Variants in C1QTNF5 observed in about 807,000 individuals in gnomAD.
C1QTNF5 encodes complement C1q tumor necrosis factor-related protein 5.
A neutral mutation model predicts 10.9 loss-of-function variants in C1QTNF5; 5 were observed. That is an observed-to-expected ratio of 0.46 (90% CI 0.24 to 0.97). C1QTNF5 has a LOEUF of 0.97. Among genes scored for constraint, C1QTNF5 ranks in the 50% least tolerant of loss-of-function variants. The pLI is 0.19. For missense variants in C1QTNF5, 281 were observed against 339.4 expected (o/e 0.83, Z 1.35); for synonymous variants, 161 against 156.5 (o/e 1.03, Z -0.22).
upstream of C1QTNF5, chr11:119,344,215 G>C: frequency 2.5e-6 from 3 of 1,185,890 alleles, no homozygotes; most frequent in Non-Finnish European, 3.8e-6. Context: ...ACCTTCCCAA[G>C]TAGAAGGTAG....
chr11:119,343,925 T>C (rs1950529810), upstream of C1QTNF5: 4 of 1,613,800 alleles, frequency 2.5e-6, no homozygotes, highest in Non-Finnish European at 3.4e-6. Context: ...TGTAGTTCTA[T>C]GCTGTGTCCG....
chr11:119,340,504 C>T, intron 1 of C1QTNF5, 64 bp from the exon 2 acceptor site: 1 of 1,261,326 alleles, frequency 7.9e-7, no homozygotes, highest in Non-Finnish European at 1.1e-6. Flanking sequence ...CTCCCCACCC[C>T]GGCGCGGCCC....
chr11:119,339,530 A>C lies in C1QTNF5; in HGVS notation c.533T>G (p.Phe178Cys). The C allele has an allele frequency of 6.2e-7, 1 of 1,613,394 alleles. No individual in the cohort carries two copies. The highest frequency in any genetic ancestry group is 8.5e-7 in the Non-Finnish European group (1 of 1,180,000). ...GGGCCACCCCCCGAAAAACTGGAAG[A>C]AAGAGGCAATGGATTCGCCATTCTT... Reference protein sequence around the residue: ...LVKNGESIASFFQFFGGWPKP... With the variant: ...LVKNGESIASCFQFFGGWPKP... The change falls in exon 3 of 3, where the codon TTC becomes TGC. Residue 178 changes from phenylalanine to cysteine, a missense_variant. Transcript: ENST00000528368. This position sits in a 1 kb window ranked among gnomAD's most constrained non-coding sequence, Gnocchi z 5.4.
chr11:119,341,722 C>T, upstream of C1QTNF5: 1 of 1,613,274 alleles, frequency 6.2e-7, no homozygotes, highest in South Asian at 1.1e-5. Context: ...GCACAAGCAG[C>T]CCACACAGGA....
At chr11:119,345,409 G>A (rs748347387), upstream of C1QTNF5, 11 of 1,613,348 alleles carry the variant, frequency 6.8e-6, no homozygotes, top group Admixed American at 5.0e-5. Flanking sequence ...CCTGGGGACA[G>A]AGGGACCTAC....
At chr11:119,341,761 G>T, upstream of C1QTNF5, 3 of 1,613,312 alleles carry the variant, frequency 1.9e-6, no homozygotes, top group Non-Finnish European at 2.5e-6. Context: ...AGCAGGGCAG[G>T]CTTGTCAGGC....
upstream of C1QTNF5, chr11:119,343,764 G>T: frequency 1.2e-6 from 2 of 1,609,488 alleles, no homozygotes; most frequent in Non-Finnish European, 1.7e-6. Context: ...GAAGCCGGGG[G>T]TGGCAGACAG....
At chr11:119,343,163 C>T, upstream of C1QTNF5, among the ~76,000 whole-genome samples, 1 of 152,174 alleles carries the variant, frequency 6.6e-6, no homozygotes, top group Admixed American at 6.5e-5. Context: ...ATATATTCAA[C>T]AGGGAAAGCA....
At position 119,339,856 on chromosome 11, in the gene C1QTNF5, G is replaced by T. The variant is rs747148839; in HGVS notation, c.215-8C>A. 2.7e-6 allele frequency: 4 copies of T among 1,467,138 alleles called. No individual in the cohort carries two copies. Among genetic ancestry groups the T allele is most frequent in the African/African-American group, 2.8e-5 (2 of 70,532 alleles). 90.9% of individuals were successfully genotyped at this position (1,467,138 alleles called of 1,614,324 possible). A position where few individuals can be genotyped will look rare whatever the true frequency, so the allele number is the denominator to read the frequency against. On this transcript the variant is annotated splice_region_variant and splice_polypyrimidine_tract_variant and intron_variant, in intron 2 of 2. Transcript: ENST00000528368. This position sits in a 1 kb window ranked among gnomAD's most constrained non-coding sequence, Gnocchi z 5.4. ...CTCGAGGTCCCGGCAGTCCTGCGGG[G>T]TAAGCGGGGCGGCAGGGTGAGAGTA...
chr11:119,339,250 C>T lies in C1QTNF5; in HGVS notation c.*81G>A, dbSNP rs1449090715. The T allele has an allele frequency of 6.7e-7, 1 of 1,495,110 alleles. No homozygotes were observed. The highest frequency in any genetic ancestry group is 9.1e-7 in the Non-Finnish European group (1 of 1,099,846). The allele number at this position is 1,495,110 out of a possible 1,614,324, so 92.6% of individuals were successfully genotyped here. On this transcript the variant is annotated 3_prime_UTR_variant, in exon 3 of 3. Coordinates refer to ENST00000528368, the MANE Select transcript of C1QTNF5 (RefSeq NM_001278431.2). The surrounding 1 kb of genome is among the most constrained non-coding windows in gnomAD (Gnocchi z 5.4). ...AGTCATTCACAATATTCCAGGGGGG[C>T]CAGCCCTCCTGGATGACCTGGTTGT... is the stretch of plus-strand genomic sequence containing the variant.
In C1QTNF5 at chr11:119,340,699, C is replaced by A. The variant is rs185696769; in HGVS notation, c.-48G>T. ...CCCCTCCTCCGCCAGACTCACCCCC[C>A]CTCCCGGCTCCCCGATGGCCTCCTT... On this transcript the variant is annotated 5_prime_UTR_variant, in exon 1 of 3. Transcript: ENST00000528368. The A allele has an allele frequency of 5.3e-4, 228 of 429,408 alleles. No homozygotes were observed. Among genetic ancestry groups the A allele is most frequent in the African/African-American group, 3.8e-3 (181 of 47,250 alleles). The allele number at this position is 429,408 out of a possible 1,614,324, so 26.6% of individuals were successfully genotyped here. A position where few individuals can be genotyped will look rare whatever the true frequency, so the allele number is the denominator to read the frequency against.
upstream of C1QTNF5, chr11:119,341,837 C>T (rs1328244349): frequency 1.3e-5 from 21 of 1,613,762 alleles, no homozygotes; most frequent in Non-Finnish European, 1.6e-5. Context: ...GCCCGCCCTC[C>T]TTCCCTCCAC....
Position 119,340,349 on chromosome 11 carries a change from G to A in C1QTNF5, c.49C>T (p.Pro17Ser), listed in dbSNP as rs1177258787. The A allele has an allele frequency of 4.5e-6, 7 of 1,544,146 alleles. No individual in the cohort carries two copies. In the Admixed American group the frequency reaches 7.9e-5, roughly 17 times the overall value. The change falls in exon 2 of 3, where the codon CCC becomes TCC. Residue 17 changes from proline to serine, a missense_variant. By Grantham distance (74) the Pro-to-Ser change is moderately conservative. Coordinates refer to ENST00000528368, the MANE Select transcript of C1QTNF5 (RefSeq NM_001278431.2). ...LLLLGLAAGSPPLDDNKIPSL... is the reference protein window; with the variant it reads ...LLLLGLAAGSSPLDDNKIPSL... ...GGGATCTTGTTGTCGTCCAGTGGGG[G>A]CGAGCCGGCCGCCAGGCCCAGGAGC...
upstream of C1QTNF5, chr11:119,344,786 G>T: frequency 6.2e-7 from 1 of 1,613,808 alleles, no homozygotes; most frequent in Non-Finnish European, 8.5e-7. Context: ...AGTCAGGGAG[G>T]CCCGGAGTCT....
rs776355515 is a variant in C1QTNF5 at position 119,340,327 on chromosome 11, A to G, written c.71T>C (p.Ile24Thr). ...AGSPPLDDNK[I>T]PSLCPGHPGL... is the part of the protein sequence containing the mutation. ...GGGGTGCCCCGGGCAGAGGCTGGGG[A>G]TCTTGTTGTCGTCCAGTGGGGGCGA... Residue 24 changes from isoleucine (I) to threonine (T), a missense_variant, in exon 2 of 3, where the codon ATC becomes ACC. Coordinates refer to ENST00000528368, the MANE Select transcript of C1QTNF5 (RefSeq NM_001278431.2). The G allele has an allele frequency of 1.2e-5, 18 of 1,542,498 alleles. No individual in the cohort carries two copies. In the South Asian group the frequency reaches 1.9e-4, roughly 16 times the overall value.
chr11:119,345,486 T>G, upstream of C1QTNF5: 7 of 1,614,104 alleles, frequency 4.3e-6, no homozygotes, highest in Non-Finnish European at 5.9e-6. Context: ...GGCCACACTC[T>G]CTATGCTGAG....
chr11:119,345,832 T>C (rs997601401), upstream of C1QTNF5: 2 of 1,613,642 alleles, frequency 1.2e-6, no homozygotes, highest in Middle Eastern at 1.6e-4. Flanking sequence ...CCCAGCTGCC[T>C]GAGAGGTGGT....
At chr11:119,344,053 C>T, upstream of C1QTNF5, 3 of 1,525,956 alleles carry the variant, frequency 2.0e-6, no homozygotes, top group South Asian at 1.1e-5. Context: ...CCACTGCTGG[C>T]TGGGGGGATG....
At chr11:119,344,358 GTGC>G, upstream of C1QTNF5, 1 of 1,614,040 alleles carries the variant, frequency 6.2e-7, no homozygotes, top group Non-Finnish European at 8.5e-7. Flanking sequence ...AGTAGAGAAA[GTGC>G]CCTGGAGGCC....
Sources: allele counts gnomAD v4.1 joint callset (sites outside exome capture counted in the v4.1 genomes callset), GRCh38; gene constraint gnomAD v4.1.1; non-coding constraint Gnocchi (gnomAD v3.1); transcripts MANE v1.5; gene names NCBI Gene and HGNC (gene_info 2026-07-23, HGNC 2026-07-21).